Variants in RBFOX1 observed in about 807,000 individuals in gnomAD.
RBFOX1 encodes the protein RNA binding protein fox-1 homolog 1.
Under a neutral mutation model 57.7 loss-of-function variants are expected in RBFOX1, and 8 were observed. That is an observed-to-expected ratio of 0.14 (90% CI 0.08 to 0.25). RBFOX1 has a LOEUF of 0.25. RBFOX1 is among the 10% of genes least tolerant of loss of function. RBFOX1 has a pLI of 1.00. For synonymous variants in RBFOX1, 326 were observed against 222.4 expected (o/e 1.47, Z -4.15); for missense variants, 611 against 548.5 (o/e 1.11, Z -1.14).
At chr16:5,739,326 G>A (rs189902133) in intron 3 of RBFOX1, among the ~76,000 whole-genome samples, 4 of 152,240 alleles carry the variant, frequency 2.6e-5, no homozygotes, top group East Asian at 1.9e-4. Context: ...TATGGGTAAC[G>A]TTCTGCGTAG....
Position 7,224,190 on chromosome 16 carries a change from T to G in RBFOX1, c.27+172092T>G, listed in dbSNP as rs545207598. The stretch of plus-strand genomic sequence containing the variant: ...TGAGGAACTCACTCAGCTCACTCAG[T>G]GCAATACTATAATGGGAAGAGTTCC... On this transcript the variant is annotated intron_variant, in intron 4 of 15. Coordinates refer to ENST00000550418, the MANE Select transcript of RBFOX1 (RefSeq NM_018723.4). 3.6e-5 allele frequency among the ~76,000 whole-genome samples: 5 copies of G among 138,596 alleles called. No individual in the cohort carries two copies. The East Asian group carries it at 9.9e-4, about 27-fold the overall frequency. 90.9% of individuals were successfully genotyped at this position (138,596 alleles called of 152,430 possible). A position where few individuals can be genotyped will look rare whatever the true frequency, so the allele number is the denominator to read the frequency against.
At chr16:5,880,677 C>A (rs1382221339) in intron 4 of RBFOX1, among the ~76,000 whole-genome samples, 1 of 152,132 alleles carries the variant, frequency 6.6e-6, no homozygotes. Context: ...GTGGATCCTG[C>A]AGATCCTAGA....
At chr16:7,171,626 G>C (rs1397030459) in intron 4 of RBFOX1, among the ~76,000 whole-genome samples, 4 of 152,128 alleles carry the variant, frequency 2.6e-5, no homozygotes, top group African/African-American at 9.7e-5. Context: ...TCAATGACAT[G>C]GAAGGGGCCA....
chr16:7,460,389 A>ATATATATAGATGTGTG, intron 4 of RBFOX1, among the ~76,000 whole-genome samples: 1 of 87,266 alleles, frequency 1.1e-5, no homozygotes, highest in African/African-American at 6.5e-5. Context: ...ATATATATAT[A>ATATATATAGATGTGTG]TGTGTGTGTG....
At position 7,394,748 on chromosome 16, in the gene RBFOX1, G is replaced by T. The variant is rs763456710; in HGVS notation, c.28-123399G>T. On this transcript the variant is annotated intron_variant, in intron 4 of 15. Coordinates refer to ENST00000550418, the MANE Select transcript of RBFOX1 (RefSeq NM_018723.4). ...ATAACAGCAGTTTGAATTCTCCTTTGTAATTCTCATCCAGGCAAGTCACTC... is the reference window on the plus strand; with the variant it reads ...ATAACAGCAGTTTGAATTCTCCTTTTTAATTCTCATCCAGGCAAGTCACTC... Among the ~76,000 whole-genome samples the T allele has an allele frequency of 6.3e-4, 96 of 152,236 alleles. 1 individual carries two copies. The highest frequency in any genetic ancestry group is 8.4e-4 in the Non-Finnish European group (57 of 68,036).
chr16:6,447,617 A>T (rs776620694), intron 2 of RBFOX1, among the ~76,000 whole-genome samples: 1 of 152,160 alleles, frequency 6.6e-6, no homozygotes, highest in Non-Finnish European at 1.5e-5. Context: ...CATACTGTGT[A>T]TCTCTACGTG....
chr16:7,167,964 C>G (rs1011246835), intron 4 of RBFOX1, among the ~76,000 whole-genome samples: 2 of 152,164 alleles, frequency 1.3e-5, no homozygotes, highest in East Asian at 1.9e-4. Flanking sequence ...GAGAGTCTGT[C>G]TTTAACAGCG....
At chr16:6,036,128 T>C (rs1336063593) in intron 1 of RBFOX1, among the ~76,000 whole-genome samples, 4 of 152,142 alleles carry the variant, frequency 2.6e-5, no homozygotes, top group African/African-American at 9.7e-5. Context: ...ACAAAACGCT[T>C]TGTGTACAAT....
chr16:5,973,519 C>A (rs2003545), intron 4 of RBFOX1, among the ~76,000 whole-genome samples: 95,845 of 152,020 alleles, frequency 0.63, 31,013 homozygotes, highest in East Asian at 0.87. Context: ...GTCATATACG[C>A]AGGATATGAA....
intron 3 of RBFOX1, among the ~76,000 whole-genome samples, chr16:6,732,057 T>G (rs1440815702): frequency 6.6e-6 from 1 of 152,144 alleles, no homozygotes; most frequent in Admixed American, 6.5e-5. Flanking sequence ...AGCTATGGCT[T>G]GAGATCTATC....
chr16:6,945,051 A>G (rs571317489), intron 3 of RBFOX1, among the ~76,000 whole-genome samples: 16 of 152,078 alleles, frequency 1.1e-4, no homozygotes, highest in Non-Finnish European at 1.9e-4. Flanking sequence ...CCGTGTTCTA[A>G]TGCATTATTG....
intron 5 of RBFOX1, among the ~76,000 whole-genome samples, chr16:7,535,737 A>C (rs1166900933): frequency 6.6e-6 from 1 of 152,208 alleles, no homozygotes; most frequent in Non-Finnish European, 1.5e-5. Flanking sequence ...ACATTAATCT[A>C]CTAAATACAC....
intron 4 of RBFOX1, among the ~76,000 whole-genome samples, chr16:7,256,299 C>T (rs2094680494): frequency 6.6e-6 from 1 of 152,166 alleles, no homozygotes; most frequent in Non-Finnish European, 1.5e-5. Context: ...GGTTAAGCCT[C>T]ACCTCCACAG....
intron 2 of RBFOX1, among the ~76,000 whole-genome samples, chr16:6,458,453 G>A (rs917055775): frequency 2.6e-5 from 4 of 152,136 alleles, no homozygotes; most frequent in Non-Finnish European, 5.9e-5. Flanking sequence ...GAACATTCAC[G>A]GAAAGAGCTT....
intron 4 of RBFOX1, among the ~76,000 whole-genome samples, chr16:7,415,511 C>T (rs2098469823): frequency 6.6e-6 from 1 of 152,198 alleles, no homozygotes; most frequent in South Asian, 2.1e-4. Context: ...GGAATAAGCA[C>T]AGGCCCTGGC....
intron 3 of RBFOX1, among the ~76,000 whole-genome samples, chr16:7,003,800 C>T (rs1027262451): frequency 6.6e-6 from 1 of 152,062 alleles, no homozygotes; most frequent in African/African-American, 2.4e-5. Flanking sequence ...TGGGATGAGA[C>T]TAAAGGACAA....
rs61066524 is a variant in RBFOX1 at position 5,993,399 on chromosome 16, CAGAGAGAG to C, written c.351+126078_351+126085del. Among the ~76,000 whole-genome samples, 5 of 70,260 alleles carry C rather than the reference CAGAGAGAG, an allele frequency of 7.1e-5. No homozygotes were observed. The East Asian group carries it at 8.0e-4, about 11-fold the overall frequency. The allele number at this position is 70,260 out of a possible 152,430, so 46.1% of individuals were successfully genotyped here. A position where few individuals can be genotyped will look rare whatever the true frequency, so the allele number is the denominator to read the frequency against. On this transcript the variant is annotated intron_variant, in intron 4 of 19. Coordinates refer to the RBFOX1 transcript ENST00000641259. ...TGTGTGTGTGTGAGAGAGAGAGAGA[CAGAGAGAG>C]AGAGAGAGAGAGAAGGAGACAGAGA...
intron 1 of RBFOX1, among the ~76,000 whole-genome samples, chr16:6,180,268 G>T (rs2097052334): frequency 6.6e-6 from 1 of 151,440 alleles, no homozygotes; most frequent in Non-Finnish European, 1.5e-5. Flanking sequence ...TTCTTTATGT[G>T]AAGTTTTTTT....
intron 3 of RBFOX1, among the ~76,000 whole-genome samples, chr16:5,797,253 A>G (rs947765251): frequency 2.0e-5 from 3 of 152,192 alleles, no homozygotes; most frequent in African/African-American, 7.2e-5. Context: ...AAGGTAAACT[A>G]CATAGACTGG....
Sources: allele counts gnomAD v4.1 joint callset (sites outside exome capture counted in the v4.1 genomes callset), GRCh38; gene constraint gnomAD v4.1.1; transcripts MANE v1.5; gene names NCBI Gene and HGNC (gene_info 2026-07-23, HGNC 2026-07-21).